RNFT2: variants seen among roughly 807,000 people sequenced by gnomAD.
RNFT2 encodes the protein E3 ubiquitin-protein ligase RNFT2.
Under a neutral mutation model 53.0 loss-of-function variants are expected in RNFT2, and 36 were observed. The ratio of observed to expected loss-of-function variants is 0.68; its 90% CI spans 0.52 to 0.90. The LOEUF is 0.90. RNFT2 is among the 40% of genes least tolerant of loss of function. The pLI is 0.00. For missense variants in RNFT2, 514 were observed against 585.6 expected (o/e 0.88, Z 1.26); for synonymous variants, 260 against 253.2 (o/e 1.03, Z -0.26).
At chr12:116,801,025 G>A (rs754117493) in intron 7 of RNFT2, 1 of 152,110 alleles carries the variant, frequency 6.6e-6, no homozygotes, top group Non-Finnish European at 1.5e-5. Flanking sequence ...TTTATCCACT[G>A]TGTGAAGTGC....
intron 10 of RNFT2, among the ~76,000 whole-genome samples, chr12:116,840,669 C>A (rs1877204234): frequency 6.6e-6 from 1 of 152,202 alleles, no homozygotes; most frequent in Non-Finnish European, 1.5e-5. Flanking sequence ...TAGGCACTAA[C>A]TCTGTAACCC....
At chr12:116,750,876 ATATATT>A (rs1566069483) in intron 4 of RNFT2, among the ~76,000 whole-genome samples, 8 of 1,098 alleles carry the variant, frequency 7.3e-3, no homozygotes, top group Non-Finnish European at 0.02. Flanking sequence ...TATATAATAT[ATATATT>A]ATATATATAA....
chr12:116,851,640 T>C lies in RNFT2; in HGVS notation c.*2192T>C, dbSNP rs570798988. 3.4e-5 allele frequency: 21 copies of C among 620,408 alleles called. No individual in the cohort carries two copies. The East Asian group carries it at 5.7e-4, about 17-fold the overall frequency. The allele number at this position is 620,408 out of a possible 1,614,324, so 38.4% of individuals were successfully genotyped here. The stretch of plus-strand genomic sequence containing the variant: ...CTGTAATCCCAGCTACTCAGGAGGC[T>C]AAGGCAGGGAGAACTGCTTGAACTC... On this transcript the variant is annotated 3_prime_UTR_variant, in exon 11 of 11. Coordinates refer to ENST00000257575, the MANE Select transcript of RNFT2 (RefSeq NM_001382266.1).
chr12:116,784,218 T>C (rs1318210782), intron 7 of RNFT2, among the ~76,000 whole-genome samples: 1 of 152,156 alleles, frequency 6.6e-6, no homozygotes. Context: ...GAGATGAGAG[T>C]ACAAAGCTAG....
rs201722595 is a variant in RNFT2 at position 116,779,210 on chromosome 12, G to A, written c.744G>A (p.Lys248=). ...QQLYNSLIFL[K]PNLEMLDFFD... Reference sequence around the variant, plus strand: ...CTCCCCCCAGCCTCATATTCCTGAAGCCCAACCTGGAGATGCTGGACTTCT... The same window carrying A: ...CTCCCCCCAGCCTCATATTCCTGAAACCCAACCTGGAGATGCTGGACTTCT... Residue 248 remains lysine, a synonymous_variant, in exon 7 of 11, where the codon AAG becomes AAA. Coordinates refer to ENST00000257575, the MANE Select transcript of RNFT2 (RefSeq NM_001382266.1). 1.2e-6 allele frequency: 2 copies of A among 1,613,974 alleles called. No individual in the cohort carries two copies. The highest frequency in any genetic ancestry group is 1.7e-6 in the Non-Finnish European group (2 of 1,179,884).
chr12:116,796,029 C>T (rs1874489897), intron 7 of RNFT2, among the ~76,000 whole-genome samples: 1 of 152,106 alleles, frequency 6.6e-6, no homozygotes. Context: ...CTGCCTCAGC[C>T]TCCCAAGTAG....
At position 116,749,824 on chromosome 12, in the gene RNFT2, C is replaced by T. The variant is rs1872086397; in HGVS notation, c.84-17C>T. 6.4e-7 allele frequency: 1 copy of T among 1,559,312 alleles called. No individual in the cohort carries two copies. The highest frequency in any genetic ancestry group is 1.9e-5 in the Admixed American group (1 of 51,736). Reference sequence around the variant, plus strand: ...ATCTGCCTGACTTCCTGGGGTTTCTCTCCCCTTGGCACCCAGAAACCGCAG... The same window carrying T: ...ATCTGCCTGACTTCCTGGGGTTTCTTTCCCCTTGGCACCCAGAAACCGCAG... On this transcript the variant is annotated splice_polypyrimidine_tract_variant and intron_variant, in intron 3 of 10. Coordinates refer to ENST00000257575, the MANE Select transcript of RNFT2 (RefSeq NM_001382266.1).
intron 7 of RNFT2, among the ~76,000 whole-genome samples, chr12:116,802,905 G>T (rs937297241): frequency 6.6e-6 from 1 of 151,710 alleles, no homozygotes; most frequent in African/African-American, 2.4e-5. Context: ...ACCCAGCCTG[G>T]GTGGCATGGT....
chr12:116,738,380 G>A lies in RNFT2; in HGVS notation c.-154+10G>A, dbSNP rs1446962186. ...TGAATTGTCTGGGCAGGTAAAAAGA[G>A]AACGCGATTTTTTTTTCTTTTCTCC... On this transcript the variant is annotated intron_variant, in intron 1 of 10. Coordinates refer to ENST00000257575, the MANE Select transcript of RNFT2 (RefSeq NM_001382266.1). 2 of 116,088 alleles carry A rather than the reference G, an allele frequency of 1.7e-5. No individual in the cohort carries two copies. The highest frequency in any genetic ancestry group is 3.9e-5 in the Non-Finnish European group (2 of 51,436). 7.2% of individuals were successfully genotyped at this position (116,088 alleles called of 1,614,324 possible).
chr12:116,826,806 T>G (rs1876361894), intron 7 of RNFT2, among the ~76,000 whole-genome samples: 1 of 152,236 alleles, frequency 6.6e-6, no homozygotes, highest in African/African-American at 2.4e-5. Flanking sequence ...GAGCACCTAC[T>G]ACATGCTAGA....
In RNFT2 at chr12:116,750,324, TG is replaced by T; in HGVS notation, c.550+20del. On this transcript the variant is annotated intron_variant, in intron 4 of 10. Transcript: ENST00000257575. ...ATAAGCTCGGTGAGTTCTGGGGGCA[TG>T]GGTGTCCTAGCCATGGGCTTCACAG... 1 of 1,583,256 alleles carries T rather than the reference TG, an allele frequency of 6.3e-7. No homozygotes were observed.
intron 5 of RNFT2, among the ~76,000 whole-genome samples, chr12:116,763,257 C>T (rs192486131): frequency 1.3e-4 from 19 of 151,652 alleles, no homozygotes; most frequent in Admixed American, 6.6e-4. Flanking sequence ...AAATGGCCAA[C>T]AAACTTATGA....
chr12:116,802,731 G>T (rs373530940), intron 7 of RNFT2, among the ~76,000 whole-genome samples: 2 of 152,202 alleles, frequency 1.3e-5, no homozygotes, highest in African/African-American at 4.8e-5. Flanking sequence ...CCAGATCTGG[G>T]AGAGAATAAG....
At chr12:116,840,311 C>G (rs1404452240) in intron 10 of RNFT2, among the ~76,000 whole-genome samples, 1 of 152,150 alleles carries the variant, frequency 6.6e-6, no homozygotes, top group Non-Finnish European at 1.5e-5. Context: ...TTAATAGAGA[C>G]AAAGAATCAG....
chr12:116,794,278 A>C (rs1453132885), intron 7 of RNFT2, among the ~76,000 whole-genome samples: 1 of 151,892 alleles, frequency 6.6e-6, no homozygotes, highest in African/African-American at 2.4e-5. Flanking sequence ...AAAAAGCCTG[A>C]TATTAATGAT....
At position 116,852,317 on chromosome 12, in the gene RNFT2, C is replaced by G; in HGVS notation, c.*2869C>G. On this transcript the variant is annotated 3_prime_UTR_variant, in exon 11 of 11. Coordinates refer to ENST00000257575, the MANE Select transcript of RNFT2 (RefSeq NM_001382266.1). ...CTGTCAGCCAGTATTAACATGTCCC[C>G]TTCCCCCTGCCCCGCCGTAGATTCA... The G allele has an allele frequency of 8.0e-7, 1 of 1,253,970 alleles. No homozygotes were observed. Among genetic ancestry groups the G allele is most frequent in the South Asian group, 2.1e-5 (1 of 47,018 alleles). The allele number at this position is 1,253,970 out of a possible 1,614,324, so 77.7% of individuals were successfully genotyped here.
chr12:116,835,816 G>C (rs530373311), intron 8 of RNFT2, 144 bp from the exon 9 acceptor site: 4 of 761,662 alleles, frequency 5.3e-6, no homozygotes, highest in African/African-American at 1.7e-5. Flanking sequence ...TGTTGGGAAG[G>C]AAGAAGTGCA....
chr12:116,849,234 G>A (rs1877776100), intron 10 of RNFT2, 80 bp from the exon 11 acceptor site: 22 of 1,218,638 alleles, frequency 1.8e-5, no homozygotes, highest in Admixed American at 2.1e-5. Flanking sequence ...TGTCTAGTCC[G>A]CTGCCCCTTC....
At chr12:116,807,711 C>A (rs1187328605) in intron 7 of RNFT2, among the ~76,000 whole-genome samples, 1 of 152,174 alleles carries the variant, frequency 6.6e-6, no homozygotes, top group African/African-American at 2.4e-5. Flanking sequence ...AGGCACCATA[C>A]ACCCTTGTCC....
Sources: allele counts gnomAD v4.1 joint callset (sites outside exome capture counted in the v4.1 genomes callset), GRCh38; gene constraint gnomAD v4.1.1; transcripts MANE v1.5; gene names NCBI Gene and HGNC (gene_info 2026-07-23, HGNC 2026-07-21).